PTPRM: variants seen among roughly 807,000 people sequenced by gnomAD.
PTPRM encodes the protein receptor-type tyrosine-protein phosphatase mu.
Under a neutral mutation model 186.7 loss-of-function variants are expected in PTPRM, and 47 were observed. That is an observed-to-expected ratio of 0.25 (90% CI 0.20 to 0.32). The LOEUF is 0.32. Ranked by LOEUF, PTPRM falls within the 10% of genes least tolerant of loss-of-function variation. The probability of loss-of-function intolerance (pLI) is 1.00; values close to 1 mark genes in which losing one functional copy is unlikely to be tolerated. For synonymous variants in PTPRM, 668 were observed against 674.9 expected (o/e 0.99, Z 0.16); for missense variants, 1,494 against 1,865.0 (o/e 0.80, Z 3.66).
intron 9 of PTPRM, 75 bp from the exon 10 acceptor site, chr18:8,085,595 GA>G: frequency 7.8e-7 from 1 of 1,285,372 alleles, no homozygotes; most frequent in Non-Finnish European, 1.1e-6. Context: ...GCATACATCA[GA>G]AGGGTTTATT....
chr18:8,198,953 A>T (rs539247647), intron 14 of PTPRM, among the ~76,000 whole-genome samples: 106 of 152,260 alleles, frequency 7.0e-4, no homozygotes, highest in African/African-American at 2.3e-3. Flanking sequence ...GCAAAAGCCC[A>T]TCTGGGGCCT....
chr18:7,629,998 A>G (rs111682625), intron 1 of PTPRM, among the ~76,000 whole-genome samples: 150 of 152,134 alleles, frequency 9.9e-4, no homozygotes, highest in Non-Finnish European at 1.7e-3. Flanking sequence ...TCATGGGGAT[A>G]AGGGTAAGAG....
chr18:7,722,110 A>G (rs1316978977), intron 1 of PTPRM, among the ~76,000 whole-genome samples: 5 of 152,212 alleles, frequency 3.3e-5, no homozygotes, highest in Non-Finnish European at 7.4e-5. Flanking sequence ...ATCATACATA[A>G]AACAAGTTTT....
chr18:8,376,705 G>A (rs2095697732), intron 26 of PTPRM, 108 bp downstream of exon 26: 2 of 1,326,106 alleles, frequency 1.5e-6, no homozygotes, highest in Non-Finnish European at 2.0e-6. Flanking sequence ...ATCTGTTCAA[G>A]TGATCTACCT....
chr18:7,692,380 T>G (rs1490687090), intron 1 of PTPRM, among the ~76,000 whole-genome samples: 1 of 149,564 alleles, frequency 6.7e-6, no homozygotes, highest in Non-Finnish European at 1.5e-5. Flanking sequence ...CCCAGGAGGT[T>G]AAGGAGGTGG....
chr18:7,576,583 C>T (rs1021698674), intron 1 of PTPRM, among the ~76,000 whole-genome samples: 1 of 152,122 alleles, frequency 6.6e-6, no homozygotes, highest in Non-Finnish European at 1.5e-5. Flanking sequence ...TCAAGCAGTC[C>T]TCCCACCTCA....
chr18:8,345,114 C>T (rs950463754), intron 23 of PTPRM, among the ~76,000 whole-genome samples: 1 of 152,096 alleles, frequency 6.6e-6, no homozygotes, highest in Non-Finnish European at 1.5e-5. Context: ...AAAGTTGTCA[C>T]ATGCAAATAA....
chr18:7,846,934 T>C lies in PTPRM; in HGVS notation c.197-41172T>C, dbSNP rs868715939. ...TATCTCTGAGACTTCTTGGATGATCTACCCTTTATTTGATTTCTCTCCCTA... is the reference window on the plus strand; with the variant it reads ...TATCTCTGAGACTTCTTGGATGATCCACCCTTTATTTGATTTCTCTCCCTA... On this transcript the variant is annotated intron_variant, in intron 2 of 32. Coordinates refer to ENST00000580170, the MANE Select transcript of PTPRM (RefSeq NM_001105244.2). Among the ~76,000 whole-genome samples, 5 of 152,202 alleles carry C rather than the reference T, an allele frequency of 3.3e-5. No individual in the cohort carries two copies. The East Asian group carries it at 9.7e-4, about 29-fold the overall frequency.
chr18:8,296,508 G>C, intron 20 of PTPRM, 53 bp downstream of exon 20: 1 of 1,348,068 alleles, frequency 7.4e-7, no homozygotes, highest in East Asian at 2.3e-5. Flanking sequence ...TTTGCATCTA[G>C]TAAGATTGAC....
chr18:7,923,262 G>A (rs1460732970), intron 4 of PTPRM, among the ~76,000 whole-genome samples: 1 of 152,166 alleles, frequency 6.6e-6, no homozygotes, highest in East Asian at 1.9e-4. Context: ...CTGTAGCTGG[G>A]GGAGAGCAGG....
intron 14 of PTPRM, among the ~76,000 whole-genome samples, chr18:8,217,297 A>G (rs1416564200): frequency 6.6e-6 from 1 of 152,154 alleles, no homozygotes; most frequent in African/African-American, 2.4e-5. Context: ...GCAAGTCAGT[A>G]GGTTTCTGCG....
intron 14 of PTPRM, among the ~76,000 whole-genome samples, chr18:8,179,403 A>G (rs1188743807): frequency 6.6e-6 from 1 of 151,542 alleles, no homozygotes; most frequent in African/African-American, 2.4e-5. Flanking sequence ...CTCCTGTTCT[A>G]CTTGATATTC....
chr18:7,796,079 G>A (rs1341040725), intron 2 of PTPRM, among the ~76,000 whole-genome samples: 1 of 151,896 alleles, frequency 6.6e-6, no homozygotes, highest in Admixed American at 6.6e-5. Context: ...CAAAATGCTA[G>A]GAATAAACCA....
At chr18:8,081,614 G>GCTGC (rs1182354534) in intron 9 of PTPRM, among the ~76,000 whole-genome samples, 1 of 152,180 alleles carries the variant, frequency 6.6e-6, no homozygotes, top group African/African-American at 2.4e-5. Flanking sequence ...CTTTAGAGCA[G>GCTGC]CTGCTGAGGT....
chr18:7,598,902 G>T (rs1043779409), intron 1 of PTPRM, among the ~76,000 whole-genome samples: 5 of 151,556 alleles, frequency 3.3e-5, no homozygotes, highest in Non-Finnish European at 7.4e-5. Flanking sequence ...ATTCCTAAAG[G>T]ATATAAACTC....
At chr18:7,710,795 A>T (rs1343496541) in intron 1 of PTPRM, among the ~76,000 whole-genome samples, 2 of 151,740 alleles carry the variant, frequency 1.3e-5, no homozygotes, top group Non-Finnish European at 2.9e-5. Context: ...TCCCTTTTAC[A>T]GCAGCTACCA....
intron 14 of PTPRM, among the ~76,000 whole-genome samples, chr18:8,170,342 G>C (rs188660093): frequency 6.6e-6 from 1 of 152,282 alleles, no homozygotes; most frequent in African/African-American, 2.4e-5. Flanking sequence ...TGATGGCTGT[G>C]CTGGCCGCAC....
chr18:7,708,205 T>C (rs2040136763), intron 1 of PTPRM, among the ~76,000 whole-genome samples: 1 of 152,202 alleles, frequency 6.6e-6, no homozygotes, highest in Non-Finnish European at 1.5e-5. Context: ...CAATATCATA[T>C]TGAGAGCCTT....
chr18:8,314,990 T>C, intron 21 of PTPRM, 133 bp downstream of exon 21: 1 of 555,950 alleles, frequency 1.8e-6, no homozygotes, highest in East Asian at 3.3e-5. Flanking sequence ...CCAACCATTC[T>C]GACATGTACC....
Sources: allele counts gnomAD v4.1 joint callset (sites outside exome capture counted in the v4.1 genomes callset), GRCh38; gene constraint gnomAD v4.1.1; transcripts MANE v1.5; gene names NCBI Gene and HGNC (gene_info 2026-07-23, HGNC 2026-07-21).